The following DENND1B variants were observed in gnomAD, a reference collection of about 807,000 sequenced individuals.
DENND1B encodes DENN domain-containing protein 1B.
Under a neutral mutation model 90.1 loss-of-function variants are expected in DENND1B, and 59 were observed. The ratio of observed to expected loss-of-function variants is 0.65; its 90% confidence interval spans 0.53 to 0.81. The LOEUF is 0.81. DENND1B is among the 40% of genes least tolerant of loss of function. The pLI, the probability that DENND1B is intolerant of heterozygous loss-of-function variation, is 0.00. For missense variants in DENND1B, 862 were observed against 912.6 expected, an observed-to-expected ratio of 0.94 and a Z score of 0.71; for synonymous variants, 337 against 324.6, an observed-to-expected ratio of 1.04 and a Z score of -0.41.
intron 2 of DENND1B, 80 bp from the exon 3 acceptor site, chr1:197,715,154 A>T (rs1047055839): frequency 8.5e-7 from 1 of 1,181,402 alleles, no homozygotes; most frequent in Non-Finnish European, 1.2e-6. Context: ...ACACTCTTAA[A>T]ATTGTCAAAG....
chr1:197,570,580 A>C (rs1486675524), intron 15 of DENND1B, among the ~76,000 whole-genome samples: 1 of 152,204 alleles, frequency 6.6e-6, no homozygotes, highest in African/African-American at 2.4e-5. Context: ...TGATTTTATT[A>C]GAGGTGGATG....
chr1:197,619,277 T>C (rs1260822947), intron 10 of DENND1B, among the ~76,000 whole-genome samples: 11 of 151,332 alleles, frequency 7.3e-5, no homozygotes, highest in East Asian at 2.0e-4. Flanking sequence ...GATTTATTTA[T>C]GTTACAAACT....
At chr1:197,727,603 G>A (rs1661766607) in intron 2 of DENND1B, among the ~76,000 whole-genome samples, 1 of 151,852 alleles carries the variant, frequency 6.6e-6, no homozygotes, top group South Asian at 2.1e-4. Flanking sequence ...TATTAAAAAT[G>A]CTATGTATTT....
chr1:197,678,657 A>G (rs911215934), intron 3 of DENND1B, among the ~76,000 whole-genome samples: 6 of 152,226 alleles, frequency 3.9e-5, no homozygotes, highest in African/African-American at 1.2e-4. Flanking sequence ...AAGTTATATT[A>G]ACAGGGTGAT....
intron 10 of DENND1B, among the ~76,000 whole-genome samples, chr1:197,630,853 A>C (rs1372637527): frequency 6.6e-6 from 1 of 152,236 alleles, no homozygotes; most frequent in South Asian, 2.1e-4. Context: ...ACAGTAATGA[A>C]CAAAACATAC....
chr1:197,538,529 G>A (rs1670083539), intron 20 of DENND1B, among the ~76,000 whole-genome samples: 1 of 152,026 alleles, frequency 6.6e-6, no homozygotes, highest in Admixed American at 6.6e-5. Context: ...TAATCACGAG[G>A]AAATACTCAG....
At chr1:197,634,694 A>G (rs1288208028) in intron 10 of DENND1B, among the ~76,000 whole-genome samples, 1 of 152,204 alleles carries the variant, frequency 6.6e-6, no homozygotes, top group Non-Finnish European at 1.5e-5. Context: ...CCTACACAGA[A>G]ATTAGTGCCT....
chr1:197,611,131 A>T (rs1677147632), intron 12 of DENND1B, among the ~76,000 whole-genome samples: 1 of 150,892 alleles, frequency 6.6e-6, no homozygotes, highest in African/African-American at 2.4e-5. Context: ...CTTATTAGAA[A>T]CTGGGTTAAA....
At position 197,746,793 on chromosome 1, in the gene DENND1B, C is replaced by T; in HGVS notation, c.82+26075G>A. On this transcript the variant is annotated intron_variant, in intron 2 of 22. Coordinates refer to ENST00000620048, the MANE Select transcript of DENND1B (RefSeq NM_001195215.2). ...CTTTGGGTTTCCCATCTCTTCTTTG[C>T]TTCAAACCCCCATGCAAGTTTCTTC... 26 of 1,586,682 alleles carry T rather than the reference C, an allele frequency of 1.6e-5. 1 individual carries two copies. In the South Asian group the frequency reaches 2.9e-4, roughly 18 times the overall value.
intron 2 of DENND1B, among the ~76,000 whole-genome samples, chr1:197,751,752 G>A (rs993134564): frequency 1.3e-5 from 2 of 151,858 alleles, no homozygotes; most frequent in Non-Finnish European, 2.9e-5. Flanking sequence ...GCTGAGGCAG[G>A]AGAATCACTT....
rs778012423 is a variant in DENND1B at position 197,512,862 on chromosome 1, A to G, written c.1598+9T>C. On this transcript the variant is annotated intron_variant, in intron 21 of 22. Transcript: ENST00000620048. ...TCCACTTAATAGGACACCAAAATCCATTACTTACTTGCTTGCTCTTTCAAT... is the reference window on the plus strand; with the variant it reads ...TCCACTTAATAGGACACCAAAATCCGTTACTTACTTGCTTGCTCTTTCAAT... 1 of 1,609,542 alleles carries G rather than the reference A, an allele frequency of 6.2e-7. No individual in the cohort carries two copies. The highest frequency in any genetic ancestry group is 8.5e-7 in the Non-Finnish European group (1 of 1,177,518).
chr1:197,539,862 T>C (rs1334679862), intron 20 of DENND1B, 102 bp downstream of exon 20: 9 of 971,584 alleles, frequency 9.3e-6, no homozygotes, highest in African/African-American at 8.3e-5. Context: ...CAGGTTTTCA[T>C]ATAAGATAAA....
intron 18 of DENND1B, among the ~76,000 whole-genome samples, chr1:197,543,936 C>T (rs1481207714): frequency 6.6e-6 from 1 of 151,948 alleles, no homozygotes; most frequent in East Asian, 1.9e-4. Flanking sequence ...AACTCACTTA[C>T]CGAGAAAAGC....
Position 197,670,438 on chromosome 1 carries a change from G to A in DENND1B, c.296+1599C>T, listed in dbSNP as rs957980114. 6.4e-4 allele frequency among the ~76,000 whole-genome samples: 21 copies of A among 32,894 alleles called. 1 individual carries two copies. The South Asian group carries it at 0.029, about 46-fold the overall frequency. The allele number at this position is 32,894 out of a possible 152,430, so 21.6% of individuals were successfully genotyped here. ...ACAAAAACAACAATAAAGGTGGGGG[G>A]AAGACTGTGTGTGTGTGTGTGTGTG... On this transcript the variant is annotated intron_variant, in intron 5 of 22. Coordinates refer to ENST00000620048, the MANE Select transcript of DENND1B (RefSeq NM_001195215.2).
intron 14 of DENND1B, among the ~76,000 whole-genome samples, chr1:197,585,842 G>C (rs765924163): frequency 6.6e-6 from 1 of 152,154 alleles, no homozygotes; most frequent in Non-Finnish European, 1.5e-5. Flanking sequence ...TAAGGCATAT[G>C]TTATGAAAGA....
At chr1:197,673,217 C>G (rs1391465899) in intron 4 of DENND1B, among the ~76,000 whole-genome samples, 1 of 151,598 alleles carries the variant, frequency 6.6e-6, no homozygotes, top group Non-Finnish European at 1.5e-5. Context: ...TCATAATATC[C>G]TTTTTGTAGC....
At chr1:197,766,879 C>T (rs373303793) in intron 2 of DENND1B, among the ~76,000 whole-genome samples, 67 of 152,066 alleles carry the variant, frequency 4.4e-4, no homozygotes, top group Non-Finnish European at 8.4e-4. Context: ...AATCTCTCTC[C>T]GCCTCCTGGG....
At chr1:197,690,756 C>T (rs933685535) in intron 3 of DENND1B, 3 of 152,092 alleles carry the variant, frequency 2.0e-5, no homozygotes, top group African/African-American at 7.3e-5. Context: ...GATAGCAATG[C>T]ATTATAAAAC....
At chr1:197,648,682 A>G (rs1006369830) in intron 7 of DENND1B, among the ~76,000 whole-genome samples, 1 of 151,960 alleles carries the variant, frequency 6.6e-6, no homozygotes, top group Non-Finnish European at 1.5e-5. Flanking sequence ...TGGTCTTTCT[A>G]TTGTATTTCC....
Sources: gnomAD v4.1 joint callset for allele counts (sites outside exome capture counted in the v4.1 genomes callset) on GRCh38, gnomAD v4.1.1 for gene constraint, MANE v1.5 for transcripts, NCBI Gene and HGNC (gene_info 2026-07-23, HGNC 2026-07-21) for gene names.